PCSK6: variants seen among roughly 807,000 people sequenced by gnomAD.
PCSK6 encodes the protein proprotein convertase subtilisin/kexin type 6, also known as paired basic amino acid cleaving enzyme 4.
A neutral mutation model predicts 123.3 loss-of-function variants in PCSK6; 85 were observed. The ratio of observed to expected loss-of-function variants is 0.69; its 90% confidence interval spans 0.58 to 0.83. The LOEUF (loss-of-function observed/expected upper bound fraction) is 0.83, where lower values mean the gene tolerates loss of function less well. Ranked by LOEUF, PCSK6 falls within the 40% of genes least tolerant of loss-of-function variation. The probability of loss-of-function intolerance (pLI) is 0.00; values close to 1 mark genes in which losing one functional copy is unlikely to be tolerated. For missense variants in PCSK6, 1,191 were observed against 1,282.3 expected, an observed-to-expected ratio of 0.93 and a Z score of 1.09; for synonymous variants, 508 against 516.0, an observed-to-expected ratio of 0.98 and a Z score of 0.21.
intron 13 of PCSK6, among the ~76,000 whole-genome samples, chr15:101,346,194 T>C (rs1171500280): frequency 6.6e-6 from 1 of 152,244 alleles, no homozygotes; most frequent in African/African-American, 2.4e-5. Flanking sequence ...ATCCCAGTAA[T>C]TTTACTTCTG....
At chr15:101,442,154 T>C (rs763421261) in intron 2 of PCSK6, among the ~76,000 whole-genome samples, 1 of 152,206 alleles carries the variant, frequency 6.6e-6, no homozygotes, top group Non-Finnish European at 1.5e-5. Flanking sequence ...TAAGCACAAG[T>C]AGACGTAATC....
chr15:101,349,389 A>G (rs962795449), intron 13 of PCSK6, among the ~76,000 whole-genome samples: 5 of 152,208 alleles, frequency 3.3e-5, no homozygotes, highest in Non-Finnish European at 7.3e-5. Flanking sequence ...AGCCAACCCA[A>G]TAGCAGCCCA....
intron 1 of PCSK6, among the ~76,000 whole-genome samples, chr15:101,489,110 C>T (rs1390549374): frequency 6.8e-6 from 1 of 147,522 alleles, no homozygotes; most frequent in Non-Finnish European, 1.5e-5. Context: ...TGCCGGGGGA[C>T]TTGCGGTCGG....
chr15:101,482,730 G>T (rs2057920759), intron 1 of PCSK6, among the ~76,000 whole-genome samples: 1 of 152,164 alleles, frequency 6.6e-6, no homozygotes, highest in Non-Finnish European at 1.5e-5. Context: ...TCCGCCCAGA[G>T]AAACTCAAGC....
At chr15:101,429,133 A>T (rs1194499959) in intron 5 of PCSK6, among the ~76,000 whole-genome samples, 1 of 152,228 alleles carries the variant, frequency 6.6e-6, no homozygotes, top group Non-Finnish European at 1.5e-5. Context: ...CCTCAGCAAG[A>T]GTCTTGTCAA....
In PCSK6 at chr15:101,324,951, C is replaced by CT. The variant is rs749861036; in HGVS notation, c.2275dup (p.Arg759LysfsTer33). ...GCAAGACAGGCACTGCGTCGCAGCT[C>CT]TGCTGGAGCAGGTCTCACACCCCTT... On this transcript the variant is annotated frameshift_variant, in exon 17 of 22. Coordinates refer to ENST00000611716, the MANE Select transcript of PCSK6 (RefSeq NM_002570.5). LOFTEE classifies it high-confidence loss of function. The CT allele has an allele frequency of 6.2e-7, 1 of 1,613,444 alleles. No homozygotes were observed. The highest frequency in any genetic ancestry group is 1.3e-5 in the African/African-American group (1 of 75,068).
intron 4 of PCSK6, among the ~76,000 whole-genome samples, chr15:101,430,658 G>A (rs778748416): frequency 7.2e-5 from 11 of 152,114 alleles, no homozygotes; most frequent in Non-Finnish European, 1.3e-4. Context: ...TTGTTGACAC[G>A]TAGTCTGCAA....
At chr15:101,339,434 T>C (rs1445877454) in intron 13 of PCSK6, among the ~76,000 whole-genome samples, 1 of 152,180 alleles carries the variant, frequency 6.6e-6, no homozygotes, top group Non-Finnish European at 1.5e-5. Context: ...TATGTTCAAG[T>C]TACAAAGGTT....
In PCSK6 at chr15:101,346,532, G is replaced by A. The variant is rs916956223; in HGVS notation, c.1859-14501C>T. 14 of 245,564 alleles carry A rather than the reference G, an allele frequency of 5.7e-5. No individual in the cohort carries two copies. The East Asian group carries it at 7.7e-4, about 14-fold the overall frequency. 15.2% of individuals were successfully genotyped at this position (245,564 alleles called of 1,614,324 possible). ...GCCTGTAGAGACGTAGTTTGAACAC[G>A]AAGTGTTTCTGGAAATAGGTAATAA... On this transcript the variant is annotated intron_variant, in intron 13 of 21. Transcript: ENST00000611716.
At chr15:101,423,843 A>G (rs1331614724) in intron 6 of PCSK6, among the ~76,000 whole-genome samples, 1 of 152,246 alleles carries the variant, frequency 6.6e-6, no homozygotes, top group African/African-American at 2.4e-5. Context: ...AGAAAACCCA[A>G]GATGGAATTA....
chr15:101,413,698 T>C (rs1024006241), intron 6 of PCSK6, among the ~76,000 whole-genome samples: 6 of 152,154 alleles, frequency 3.9e-5, no homozygotes, highest in Non-Finnish European at 8.8e-5. Context: ...ACTTGAAATG[T>C]TACCAACACA....
chr15:101,360,538 CGGGGGCCTT>C (rs1567164200), intron 13 of PCSK6, among the ~76,000 whole-genome samples: 57 of 117,228 alleles, frequency 4.9e-4, no homozygotes, highest in African/African-American at 1.8e-3. Flanking sequence ...CACTCCTGCC[CGGGGGCCTT>C]AGCATCCCCT....
At chr15:101,400,663 A>G (rs146170052) in intron 6 of PCSK6, among the ~76,000 whole-genome samples, 93 of 152,312 alleles carry the variant, frequency 6.1e-4, no homozygotes, top group Non-Finnish European at 1.3e-3. Context: ...CATTTGTACG[A>G]TAATCATGGG....
chr15:101,446,803 G>C (rs116384684), intron 1 of PCSK6, among the ~76,000 whole-genome samples: 301 of 152,320 alleles, frequency 2.0e-3, no homozygotes, highest in African/African-American at 7.0e-3. Flanking sequence ...ACACAGGTGC[G>C]GCTGCAAGCC....
intron 6 of PCSK6, among the ~76,000 whole-genome samples, chr15:101,401,737 T>TA (rs1435657047): frequency 1.3e-5 from 2 of 152,198 alleles, no homozygotes; most frequent in African/African-American, 4.8e-5. Context: ...TGGCACACAG[T>TA]AAGCATTCAA....
At chr15:101,362,917 G>A (rs774779985) in intron 13 of PCSK6, among the ~76,000 whole-genome samples, 3 of 152,220 alleles carry the variant, frequency 2.0e-5, no homozygotes, top group Non-Finnish European at 4.4e-5. Context: ...ACAACCTGGG[G>A]AGGACAGAGA....
In PCSK6 at chr15:101,313,481, T is replaced by C; in HGVS notation, c.2594A>G (p.His865Arg). ...GTGGAAGTGGAAGTTTTTCGCACAGTGAATGCACTCTTCTCTGCCTGGCCC... is the reference window on the plus strand; with the variant it reads ...GTGGAAGTGGAAGTTTTTCGCACAGCGAATGCACTCTTCTCTGCCTGGCCC... ...CVGPGREECI[H>R]CAKNFHFHDW... Residue 865 changes from histidine (H) to arginine (R), a missense_variant, in exon 20 of 22, where the codon CAC becomes CGC. Physicochemically the swap from His to Arg is conservative, Grantham distance 29. This residue lies in a region of PCSK6 where 630 missense variants were observed against 631.4 expected (regional missense o/e 1.00). Transcript: ENST00000611716. 6.2e-7 allele frequency: 1 copy of C among 1,607,666 alleles called. No homozygotes were observed. The highest frequency in any genetic ancestry group is 1.1e-5 in the South Asian group (1 of 91,046).
Position 101,393,207 on chromosome 15 carries a change from C to T in PCSK6, c.1209+5G>A, listed in dbSNP as rs753403813. ...TAAGCACTCCAACTTGCCAAGAGAA[C>T]TTACGATTTTTCGCTCATAAAAGGC... On this transcript the variant is annotated splice_donor_5th_base_variant and intron_variant, in intron 8 of 21. Coordinates refer to ENST00000611716, the MANE Select transcript of PCSK6 (RefSeq NM_002570.5). 1 of 1,610,166 alleles carries T rather than the reference C, an allele frequency of 6.2e-7. No homozygotes were observed. The highest frequency in any genetic ancestry group is 8.5e-7 in the Non-Finnish European group (1 of 1,177,902).
rs1555459439 is a variant in PCSK6 at position 101,435,318 on chromosome 15, A to AGAAAG, written c.403-3219_403-3218insCTTTC. 2.6e-3 allele frequency among the ~76,000 whole-genome samples: 392 copies of AGAAAG among 148,194 alleles called. 3 individuals carry two copies. Among genetic ancestry groups the AGAAAG allele is most frequent in the Middle Eastern group, 0.01 (3 of 294 alleles). ...AGAGTGAGACTCTGTCTCAAAAAAAAAAAGAAAGAAAGAAAGAAAGAAAGA... is the reference window on the plus strand; with the variant it reads ...AGAGTGAGACTCTGTCTCAAAAAAAAGAAAGAAAGAAAGAAAGAAAGAAAGAAAGA... On this transcript the variant is annotated intron_variant, in intron 2 of 21. Transcript: ENST00000611716.
Sources: gnomAD v4.1 joint callset for allele counts (sites outside exome capture counted in the v4.1 genomes callset) on GRCh38, gnomAD v4.1.1 for gene constraint, gnomAD v4.1.1 regional missense constraint, MANE v1.5 for transcripts, NCBI Gene and HGNC (gene_info 2026-07-23, HGNC 2026-07-21) for gene names.